GRM7: variants seen among roughly 807,000 people sequenced by gnomAD.
GRM7 encodes the protein metabotropic glutamate receptor 7.
In GRM7, 35 loss-of-function variants were observed where a neutral mutation model predicts 84.5. The ratio of observed to expected loss-of-function variants is 0.41; its 90% confidence interval spans 0.32 to 0.55. GRM7 has a LOEUF of 0.55. Ranked by LOEUF, GRM7 falls within the 20% of genes least tolerant of loss-of-function variation. The pLI, the probability that GRM7 is intolerant of heterozygous loss-of-function variation, is 0.19. For missense variants in GRM7, 1,003 were observed against 1,194.6 expected, an observed-to-expected ratio of 0.84 and a Z score of 2.36; for synonymous variants, 487 against 455.1, an observed-to-expected ratio of 1.07 and a Z score of -0.89.
intron 2 of GRM7, among the ~76,000 whole-genome samples, chr3:7,236,079 G>A (rs1697338180): frequency 6.6e-6 from 1 of 152,176 alleles, no homozygotes; most frequent in African/African-American, 2.4e-5. Context: ...TCATGTGGTA[G>A]AAGGGGTGAG....
intron 2 of GRM7, among the ~76,000 whole-genome samples, chr3:7,204,166 G>T (rs1696156800): frequency 6.6e-6 from 1 of 152,208 alleles, no homozygotes; most frequent in African/African-American, 2.4e-5. Flanking sequence ...CTCTGGCCCT[G>T]TCCACCTGGG....
At chr3:7,135,543 C>G (rs886097493) in intron 1 of GRM7, among the ~76,000 whole-genome samples, 10 of 152,270 alleles carry the variant, frequency 6.6e-5, no homozygotes, top group African/African-American at 2.2e-4. Flanking sequence ...CAGTTTTGTA[C>G]TGCCCACATA....
intron 5 of GRM7, among the ~76,000 whole-genome samples, chr3:7,434,795 C>T (rs894692242): frequency 9.2e-5 from 14 of 151,934 alleles, no homozygotes; most frequent in Admixed American, 8.5e-4. Context: ...CAGATTAATG[C>T]TGGACACAAA....
chr3:7,674,009 T>A (rs1454542686), intron 8 of GRM7, among the ~76,000 whole-genome samples: 2 of 152,152 alleles, frequency 1.3e-5, no homozygotes, highest in Non-Finnish European at 1.5e-5. Context: ...AAAGGAATTA[T>A]CCTGACTGGG....
At chr3:7,226,264 A>G (rs1696978240) in intron 2 of GRM7, among the ~76,000 whole-genome samples, 2 of 152,170 alleles carry the variant, frequency 1.3e-5, no homozygotes, top group African/African-American at 4.8e-5. Context: ...GTTTGCTGTC[A>G]TGGTGTCAGC....
intron 1 of GRM7, among the ~76,000 whole-genome samples, chr3:7,009,297 T>A (rs1490300113): frequency 6.6e-6 from 1 of 152,218 alleles, no homozygotes; most frequent in Non-Finnish European, 1.5e-5. Flanking sequence ...TGAGTATTTC[T>A]TGGGTGCCAA....
At chr3:7,513,656 T>C (rs1269283932) in intron 7 of GRM7, among the ~76,000 whole-genome samples, 1 of 152,214 alleles carries the variant, frequency 6.6e-6, no homozygotes, top group African/African-American at 2.4e-5. Flanking sequence ...TGATGGGTAT[T>C]CTAACTACCC....
At chr3:7,577,718 C>T (rs1206303665) in intron 7 of GRM7, among the ~76,000 whole-genome samples, 2 of 152,064 alleles carry the variant, frequency 1.3e-5, no homozygotes, top group Admixed American at 6.6e-5. Context: ...GTTTCCAGAC[C>T]ATATTATTTT....
chr3:7,329,450 T>G (rs1701112708), intron 4 of GRM7, among the ~76,000 whole-genome samples: 1 of 152,198 alleles, frequency 6.6e-6, no homozygotes, highest in African/African-American at 2.4e-5. Context: ...TGATTTATTC[T>G]TTGTGAATGG....
chr3:6,915,465 T>C (rs1696911146), intron 1 of GRM7, among the ~76,000 whole-genome samples: 1 of 152,212 alleles, frequency 6.6e-6, no homozygotes, highest in Non-Finnish European at 1.5e-5. Context: ...CTTACAATAT[T>C]TCTAAATTCT....
chr3:7,340,658 T>A (rs565661144), intron 4 of GRM7, among the ~76,000 whole-genome samples: 1 of 152,218 alleles, frequency 6.6e-6, no homozygotes, highest in Admixed American at 6.5e-5. Flanking sequence ...AAAGAGGGCA[T>A]CCCCAGAAGA....
At chr3:7,190,085 T>G (rs1472000025) in intron 2 of GRM7, among the ~76,000 whole-genome samples, 1 of 152,182 alleles carries the variant, frequency 6.6e-6, no homozygotes, top group Non-Finnish European at 1.5e-5. Context: ...AAAGTTCTCC[T>G]ATCTGTGTTG....
intron 1 of GRM7, among the ~76,000 whole-genome samples, chr3:6,871,985 A>G (rs1258229601): frequency 6.6e-6 from 1 of 152,146 alleles, no homozygotes; most frequent in East Asian, 1.9e-4. Flanking sequence ...TCCTTTCCAC[A>G]TCAGAGAACA....
chr3:7,416,693 G>A (rs1391624838), intron 5 of GRM7, among the ~76,000 whole-genome samples: 3 of 152,024 alleles, frequency 2.0e-5, no homozygotes, highest in Admixed American at 6.6e-5. Context: ...CTGGACTATC[G>A]GATTCACCAC....
intron 1 of GRM7, among the ~76,000 whole-genome samples, chr3:6,991,336 G>C (rs918767007): frequency 6.6e-6 from 1 of 152,094 alleles, no homozygotes; most frequent in African/African-American, 2.4e-5. Context: ...CTTTCCCACC[G>C]GACTGATTGC....
chr3:6,950,383 C>T (rs1190891531), intron 1 of GRM7, among the ~76,000 whole-genome samples: 1 of 152,182 alleles, frequency 6.6e-6, no homozygotes, highest in Non-Finnish European at 1.5e-5. Flanking sequence ...TATTGGTGAA[C>T]TGCAAATGCT....
chr3:7,713,836 T>C (rs1575662289), intron 9 of GRM7, among the ~76,000 whole-genome samples: 1 of 123,228 alleles, frequency 8.1e-6, no homozygotes, highest in Admixed American at 1.0e-4. Flanking sequence ...AAGCAATGGG[T>C]AGAGTTTGCC....
intron 4 of GRM7, among the ~76,000 whole-genome samples, chr3:7,324,751 C>A (rs1559236262): frequency 6.6e-6 from 1 of 152,090 alleles, no homozygotes; most frequent in Admixed American, 6.6e-5. Context: ...TTCCCGGGAA[C>A]CATCTCAACC....
intron 4 of GRM7, among the ~76,000 whole-genome samples, chr3:7,410,017 A>C (rs917981045): frequency 6.6e-6 from 1 of 152,182 alleles, no homozygotes; most frequent in Non-Finnish European, 1.5e-5. Flanking sequence ...CATGAGAGAG[A>C]TGCATTTCTC....
Sources: allele counts gnomAD v4.1 joint callset (sites outside exome capture counted in the v4.1 genomes callset), GRCh38; gene constraint gnomAD v4.1.1; transcripts MANE v1.5; gene names NCBI Gene and HGNC (gene_info 2026-07-23, HGNC 2026-07-21).